Variants in AGBL4 observed in about 807,000 individuals in gnomAD.
AGBL4 encodes cytosolic carboxypeptidase 6.
AGBL4 carries 58 observed loss-of-function variants against 66.4 expected under a neutral mutation model. That is an observed-to-expected ratio of 0.87 (90% CI 0.71 to 1.09). The LOEUF is 1.09. Ranked by LOEUF, AGBL4 falls within the 50% of genes least tolerant of loss-of-function variation. The pLI is 0.00. For missense variants in AGBL4, 579 were observed against 631.0 expected (o/e 0.92, Z 0.88); for synonymous variants, 234 against 222.9 (o/e 1.05, Z -0.44).
At chr1:48,659,607 G>A (rs1230791325) in intron 7 of AGBL4, among the ~76,000 whole-genome samples, 1 of 152,230 alleles carries the variant, frequency 6.6e-6, no homozygotes, top group East Asian at 1.9e-4. Context: ...TCTAGGTCTG[G>A]TTCAGGCCAA....
chr1:48,994,436 T>C (rs572141044), intron 5 of AGBL4, among the ~76,000 whole-genome samples: 2 of 152,318 alleles, frequency 1.3e-5, no homozygotes, highest in East Asian at 1.9e-4. Context: ...GCTATGACTA[T>C]ATATATTAAT....
chr1:50,019,306 T>TCTCTCTCTCTCACA (rs1167835143), intron 1 of AGBL4, among the ~76,000 whole-genome samples: 726 of 48,388 alleles, frequency 0.015, 18 homozygotes, highest in Admixed American at 0.022. Flanking sequence ...TCTCTCTCTC[T>TCTCTCTCTCTCACA]CACACACACA....
chr1:48,528,975 T>G (rs374241433), downstream of AGBL4, among the ~76,000 whole-genome samples: 1 of 151,964 alleles, frequency 6.6e-6, no homozygotes. Flanking sequence ...AACACTGTCT[T>G]CCCATTTGTT....
intron 3 of AGBL4, among the ~76,000 whole-genome samples, chr1:49,547,467 T>C (rs1353049945): frequency 1.3e-5 from 2 of 152,180 alleles, no homozygotes; most frequent in Admixed American, 6.5e-5. Flanking sequence ...TTTTGCTTAG[T>C]CTTGCTTTGG....
chr1:48,534,441 C>A, intron 13 of AGBL4, 148 bp from the exon 14 acceptor site: 1 of 1,105,268 alleles, frequency 9.0e-7, no homozygotes, highest in Non-Finnish European at 1.3e-6. Context: ...CTAAAGGTGA[C>A]AAAAATGAGC....
At chr1:48,605,881 C>T (rs942412587) in intron 9 of AGBL4, among the ~76,000 whole-genome samples, 1 of 152,192 alleles carries the variant, frequency 6.6e-6, no homozygotes, top group Non-Finnish European at 1.5e-5. Flanking sequence ...TGGGTTCTTT[C>T]TCTTTTTTTC....
chr1:48,846,265 T>G (rs1002571875), intron 6 of AGBL4, among the ~76,000 whole-genome samples: 1 of 151,774 alleles, frequency 6.6e-6, no homozygotes, highest in East Asian at 1.9e-4. Flanking sequence ...TCTGTAGTAC[T>G]GCTACATGCT....
intron 6 of AGBL4, among the ~76,000 whole-genome samples, chr1:48,782,738 C>T (rs1286979170): frequency 6.6e-6 from 1 of 152,242 alleles, no homozygotes; most frequent in African/African-American, 2.4e-5. Context: ...AGTGGTATAT[C>T]TGTTGCAACT....
At chr1:49,491,571 A>T (rs1019944270) in intron 3 of AGBL4, among the ~76,000 whole-genome samples, 1 of 151,930 alleles carries the variant, frequency 6.6e-6, no homozygotes, top group Admixed American at 6.6e-5. Flanking sequence ...TTCAAAAATT[A>T]CTCAGGAGAC....
At chr1:48,603,653 T>C (rs1394885776) in intron 9 of AGBL4, among the ~76,000 whole-genome samples, 1 of 152,056 alleles carries the variant, frequency 6.6e-6, no homozygotes, top group Non-Finnish European at 1.5e-5. Context: ...TTTTATGAAA[T>C]TATAACAGGA....
At chr1:49,654,428 TG>T (rs1342409357) in intron 3 of AGBL4, among the ~76,000 whole-genome samples, 3 of 152,194 alleles carry the variant, frequency 2.0e-5, no homozygotes, top group Non-Finnish European at 4.4e-5. Context: ...GTTCTGTAGA[TG>T]TCTATTAGGT....
At chr1:48,713,258 C>T (rs142019087) in intron 6 of AGBL4, among the ~76,000 whole-genome samples, 13 of 152,228 alleles carry the variant, frequency 8.5e-5, no homozygotes, top group Non-Finnish European at 1.8e-4. Flanking sequence ...AGGGAGTTTC[C>T]AGAAAGATGG....
At chr1:48,955,263 A>G (rs564383827) in intron 5 of AGBL4, among the ~76,000 whole-genome samples, 2 of 152,266 alleles carry the variant, frequency 1.3e-5, no homozygotes, top group South Asian at 4.1e-4. Flanking sequence ...TTTTAACCAC[A>G]GTTATAATAT....
At chr1:49,128,057 A>G (rs548550075) in intron 4 of AGBL4, among the ~76,000 whole-genome samples, 36 of 152,218 alleles carry the variant, frequency 2.4e-4, no homozygotes, top group South Asian at 4.1e-4. Context: ...ACATTAAAAG[A>G]GCAATTATAA....
intron 3 of AGBL4, among the ~76,000 whole-genome samples, chr1:49,639,317 T>A (rs888246168): frequency 2.0e-5 from 3 of 152,184 alleles, no homozygotes; most frequent in African/African-American, 7.2e-5. Context: ...TAGAAAATAA[T>A]AATGATACTA....
In AGBL4 at chr1:48,701,705, T is replaced by C. The variant is rs12092655; in HGVS notation, c.635-38464A>G. Among the ~76,000 whole-genome samples, 721 of 152,360 alleles carry C rather than the reference T, an allele frequency of 4.7e-3. 6 individuals carry two copies. The highest frequency in any genetic ancestry group is 0.016 in the African/African-American group (677 of 41,586). ...GATGATTAACAGCACTGGGTGATGA[T>C]TAATAACTTGATTCATACTGAGGGT... On this transcript the variant is annotated intron_variant, in intron 6 of 13. Transcript: ENST00000371839.
chr1:49,158,070 T>C (rs1646468773), intron 4 of AGBL4, among the ~76,000 whole-genome samples: 1 of 152,052 alleles, frequency 6.6e-6, no homozygotes, highest in Non-Finnish European at 1.5e-5. Context: ...GCTGTGCAGA[T>C]GCTCTTAGGG....
At chr1:48,847,672 T>G (rs1361127021) in intron 6 of AGBL4, among the ~76,000 whole-genome samples, 3 of 152,234 alleles carry the variant, frequency 2.0e-5, no homozygotes, top group Non-Finnish European at 4.4e-5. Flanking sequence ...AGTCCTGGAC[T>G]ATAAATGTCT....
At chr1:49,573,146 C>CTGTGTGTGTGTGTGTG (rs57980631) in intron 3 of AGBL4, among the ~76,000 whole-genome samples, 2 of 136,578 alleles carry the variant, frequency 1.5e-5, no homozygotes, top group Non-Finnish European at 1.6e-5. Context: ...GTGTGTGTGT[C>CTGTGTGTGTGTGTGTG]TGTGTGTGTG....
Sources: allele counts gnomAD v4.1 joint callset (sites outside exome capture counted in the v4.1 genomes callset), GRCh38; gene constraint gnomAD v4.1.1; transcripts MANE v1.5; gene names NCBI Gene and HGNC (gene_info 2026-07-23, HGNC 2026-07-21).